Variants in TANC2 observed in about 807,000 individuals in gnomAD.
The protein encoded by TANC2 is protein TANC2.
A neutral mutation model predicts 210.5 loss-of-function variants in TANC2; 26 were observed. The observed-to-expected ratio is 0.12, with a 90% CI of 0.09 to 0.17. TANC2 has a LOEUF of 0.17. TANC2 is among the 10% of genes least tolerant of loss of function. TANC2 has a pLI of 1.00. For missense variants in TANC2, 2,129 were observed against 2,608.9 expected (o/e 0.82, Z 4.01); for synonymous variants, 931 against 967.1 (o/e 0.96, Z 0.69).
chr17:63,214,405 C>G (rs1226581895), intron 7 of TANC2, among the ~76,000 whole-genome samples: 1 of 152,236 alleles, frequency 6.6e-6, no homozygotes, highest in Non-Finnish European at 1.5e-5. Context: ...GTGAAGGCCA[C>G]TTTGGCCAAA....
rs1160304857 is a variant in TANC2, at chr17:63,119,925, C to G, written c.322+20568C>G. On this transcript the variant is annotated intron_variant, in intron 4 of 27. Transcript: ENST00000689528. Reference sequence around the variant, plus strand: ...GTCCCAGCTACTTGGGAGGCTGAGGCAGGAGAATCACCTAAGCCTGGGAGG... The same window carrying G: ...GTCCCAGCTACTTGGGAGGCTGAGGGAGGAGAATCACCTAAGCCTGGGAGG... Among the ~76,000 whole-genome samples, 5 of 151,930 alleles carry G rather than the reference C, an allele frequency of 3.3e-5. No homozygotes were observed. The East Asian group carries it at 9.7e-4, about 29-fold the overall frequency.
chr17:63,326,095 G>A (rs1017583001), intron 11 of TANC2, among the ~76,000 whole-genome samples: 1 of 152,156 alleles, frequency 6.6e-6, no homozygotes. Context: ...CCTGATCTCA[G>A]CTACAGCTAA....
intron 18 of TANC2, 51 bp from the exon 19 acceptor site, chr17:63,398,762 TAGTGTCAG>T (rs1214530292): frequency 1.7e-6 from 2 of 1,176,918 alleles, no homozygotes; most frequent in Non-Finnish European, 2.5e-6. Flanking sequence ...CCTCACAGGC[TAGTGTCAG>T]TAGCATAGTT....
chr17:63,287,578 C>T (rs568852456), intron 9 of TANC2, among the ~76,000 whole-genome samples: 15 of 152,162 alleles, frequency 9.9e-5, no homozygotes, highest in African/African-American at 3.6e-4. Context: ...TTCTGTCTTG[C>T]CTTAATCATT....
chr17:63,075,174 A>C (rs1196365567), intron 3 of TANC2, among the ~76,000 whole-genome samples: 1 of 152,208 alleles, frequency 6.6e-6, no homozygotes, highest in African/African-American at 2.4e-5. Flanking sequence ...TGATATAAAA[A>C]TGAGATTATG....
At chr17:63,067,650 A>C (rs948238352) in intron 2 of TANC2, among the ~76,000 whole-genome samples, 1 of 152,096 alleles carries the variant, frequency 6.6e-6, no homozygotes, top group African/African-American at 2.4e-5. Context: ...AGAAATACTA[A>C]ATATAAAGAC....
At chr17:62,978,603 A>G (rs1461905408) in intron 1 of TANC2, 1 of 152,278 alleles carries the variant, frequency 6.6e-6, no homozygotes, top group Admixed American at 6.5e-5. Flanking sequence ...GGTGATATCC[A>G]GTTCAGGGCT....
chr17:63,264,820 G>A (rs1046051982), intron 8 of TANC2, among the ~76,000 whole-genome samples: 4 of 152,068 alleles, frequency 2.6e-5, no homozygotes, highest in African/African-American at 9.7e-5. Context: ...TTAGCTGAGC[G>A]TGGTGATGCA....
intron 9 of TANC2, among the ~76,000 whole-genome samples, chr17:63,268,264 A>G (rs1302755652): frequency 1.3e-5 from 2 of 152,098 alleles, no homozygotes; most frequent in Non-Finnish European, 1.5e-5. Context: ...CAGGTTGAGC[A>G]TCCCTAATCT....
chr17:63,077,219 A>G (rs1157678585), intron 3 of TANC2, among the ~76,000 whole-genome samples: 1 of 152,230 alleles, frequency 6.6e-6, no homozygotes, highest in Non-Finnish European at 1.5e-5. Context: ...CAGCATCTTC[A>G]GTATTCTGAA....
chr17:63,050,102 A>G (rs2035524994), intron 2 of TANC2, among the ~76,000 whole-genome samples: 1 of 152,134 alleles, frequency 6.6e-6, no homozygotes, highest in African/African-American at 2.4e-5. Flanking sequence ...ATGTAATCCT[A>G]GCACTTGGGG....
At chr17:63,154,511 T>C (rs533527045) in intron 5 of TANC2, 7 of 152,262 alleles carry the variant, frequency 4.6e-5, no homozygotes, top group African/African-American at 1.7e-4. Context: ...CTCTATCACT[T>C]TTCTATCTAC....
intron 5 of TANC2, among the ~76,000 whole-genome samples, chr17:63,160,091 T>A (rs768569156): frequency 3.3e-5 from 5 of 152,238 alleles, no homozygotes; most frequent in Non-Finnish European, 5.9e-5. Flanking sequence ...TCTCTTCTTA[T>A]AGGGACACTA....
chr17:63,034,592 G>A (rs1329036554), intron 2 of TANC2, among the ~76,000 whole-genome samples: 8 of 152,132 alleles, frequency 5.3e-5, no homozygotes, highest in Admixed American at 5.2e-4. Flanking sequence ...GGAAATTCTG[G>A]AAAGGATTCA....
intron 1 of TANC2, among the ~76,000 whole-genome samples, chr17:63,008,485 A>G (rs1406101680): frequency 6.6e-6 from 1 of 152,066 alleles, no homozygotes; most frequent in Admixed American, 6.6e-5. Flanking sequence ...CTTTTGGGAA[A>G]TTTTGCTGTT....
At chr17:63,205,096 A>G (rs2041656073) in intron 7 of TANC2, among the ~76,000 whole-genome samples, 1 of 152,074 alleles carries the variant, frequency 6.6e-6, no homozygotes, top group African/African-American at 2.4e-5. Context: ...AAAATAAATA[A>G]ATAAATGAAA....
chr17:63,128,493 A>G (rs1367731386), intron 4 of TANC2, among the ~76,000 whole-genome samples: 1 of 152,230 alleles, frequency 6.6e-6, no homozygotes, highest in Non-Finnish European at 1.5e-5. Flanking sequence ...TAGATTATAC[A>G]TTTTAGTGCA....
At chr17:63,365,877 A>T (rs1209610423) in intron 14 of TANC2, among the ~76,000 whole-genome samples, 1 of 152,032 alleles carries the variant, frequency 6.6e-6, no homozygotes, top group Non-Finnish European at 1.5e-5. Context: ...TAATCATAAC[A>T]TCCTTTTTAC....
At chr17:63,020,328 G>C (rs1019404357) in intron 2 of TANC2, among the ~76,000 whole-genome samples, 1 of 151,840 alleles carries the variant, frequency 6.6e-6, no homozygotes, top group Non-Finnish European at 1.5e-5. Context: ...TTTCAAGACA[G>C]AGTCTTGCTC....
Sources: allele counts gnomAD v4.1 joint callset (sites outside exome capture counted in the v4.1 genomes callset), GRCh38; gene constraint gnomAD v4.1.1; transcripts MANE v1.5; gene names NCBI Gene and HGNC (gene_info 2026-07-23, HGNC 2026-07-21).